SMCO2: variants seen among roughly 807,000 people sequenced by gnomAD.
The protein encoded by SMCO2 is single-pass membrane and coiled-coil domain-containing protein 2.
A neutral mutation model predicts 29.5 loss-of-function variants in SMCO2; 25 were observed. That is an observed-to-expected ratio of 0.85 (90% CI 0.62 to 1.18). The LOEUF (loss-of-function observed/expected upper bound fraction) is 1.18, where lower values mean the gene tolerates loss of function less well. Ranked by LOEUF, SMCO2 falls within the 50% of genes most tolerant of loss-of-function variation. The pLI, the probability that SMCO2 is intolerant of heterozygous loss-of-function variation, is 0.00. For synonymous variants in SMCO2, 117 were observed against 123.3 expected (o/e 0.95, Z 0.34); for missense variants, 348 against 344.5 (o/e 1.01, Z -0.08).
At chr12:27,448,115 G>A in the SMCO2 span, among the ~76,000 whole-genome samples, 1 of 152,198 alleles carries the variant, frequency 6.6e-6, no homozygotes, top group Non-Finnish European at 1.5e-5. Context: ...AACAAGTAGA[G>A]AAAGTATTAG....
the SMCO2 span, among the ~76,000 whole-genome samples, chr12:27,436,533 A>C: frequency 1.3e-5 from 2 of 152,160 alleles, no homozygotes; most frequent in African/African-American, 4.8e-5. Context: ...TAGAAAAGAA[A>C]AGAGGAAGAA....
chr12:27,435,034 G>A, the SMCO2 span, among the ~76,000 whole-genome samples: 1 of 152,046 alleles, frequency 6.6e-6, no homozygotes. Flanking sequence ...TGAGAAGCTG[G>A]GGTTCCCTAG....
chr12:27,429,321 C>T, the SMCO2 span, among the ~76,000 whole-genome samples: 1 of 151,958 alleles, frequency 6.6e-6, no homozygotes, highest in Admixed American at 6.6e-5. Flanking sequence ...CCATAGTCAA[C>T]ACTTGAGTAG....
the SMCO2 span, among the ~76,000 whole-genome samples, chr12:27,459,436 A>G: frequency 6.6e-6 from 1 of 152,138 alleles, no homozygotes; most frequent in African/African-American, 2.4e-5. Flanking sequence ...ACATATGGGT[A>G]CAAACAGGGG....
At chr12:27,469,889 C>T (rs1949527437) in intron 1 of SMCO2, among the ~76,000 whole-genome samples, 1 of 152,216 alleles carries the variant, frequency 6.6e-6, no homozygotes, top group Non-Finnish European at 1.5e-5. Context: ...GGTTCCTGTT[C>T]TTACACACAG....
At chr12:27,464,503 G>C (rs1001738412), upstream of SMCO2, among the ~76,000 whole-genome samples, 1 of 151,972 alleles carries the variant, frequency 6.6e-6, no homozygotes, top group African/African-American at 2.4e-5. Context: ...GAGCCTAGGA[G>C]TTCGAGACCA....
At chr12:27,461,298 G>C in the SMCO2 span, among the ~76,000 whole-genome samples, 1 of 152,084 alleles carries the variant, frequency 6.6e-6, no homozygotes, top group Admixed American at 6.6e-5. Context: ...GTGCAGGTTT[G>C]TTACGCAGGT....
At chr12:27,436,629 T>C in the SMCO2 span, among the ~76,000 whole-genome samples, 1 of 152,158 alleles carries the variant, frequency 6.6e-6, no homozygotes, top group East Asian at 1.9e-4. Context: ...AGGTTGACTC[T>C]GTATGAATTT....
intron 4 of SMCO2, among the ~76,000 whole-genome samples, chr12:27,475,183 T>A (rs1949574469): frequency 6.6e-6 from 1 of 152,196 alleles, no homozygotes; most frequent in Non-Finnish European, 1.5e-5. Flanking sequence ...CCTTCTCAGA[T>A]AATTTTCTAG....
rs1040637549 is a variant in SMCO2, at chr12:27,501,552, G to C, written c.684-371G>C. Among the ~76,000 whole-genome samples, 3 of 149,948 alleles carry C rather than the reference G, an allele frequency of 2.0e-5. 1 individual carries two copies. The highest frequency in any genetic ancestry group is 5.0e-5 in the African/African-American group (2 of 39,902). ...AATTCCCTTTATCACGTTATACTTT[G>C]TGTCCTGGGGAAAATCTAACTGCCT... is the stretch of plus-strand genomic sequence containing the variant. On this transcript the variant is annotated intron_variant, in intron 7 of 7. Coordinates refer to ENST00000298876, the Ensembl canonical transcript of SMCO2.
chr12:27,472,168 T>C (rs1451501297), intron 2 of SMCO2, among the ~76,000 whole-genome samples: 2 of 152,164 alleles, frequency 1.3e-5, no homozygotes, highest in Non-Finnish European at 2.9e-5. Flanking sequence ...GGTTATTAAA[T>C]AAGAAATTCA....
chr12:27,449,373 T>C, the SMCO2 span, among the ~76,000 whole-genome samples: 1 of 152,248 alleles, frequency 6.6e-6, no homozygotes, highest in Non-Finnish European at 1.5e-5. Context: ...TGCTGCATAC[T>C]TCTGAAAAAA....
intron 4 of SMCO2, among the ~76,000 whole-genome samples, chr12:27,481,245 C>G (rs1359935526): frequency 6.6e-6 from 1 of 152,172 alleles, no homozygotes; most frequent in Non-Finnish European, 1.5e-5. Flanking sequence ...TGTGTAAGAC[C>G]CCTGACAAAC....
At chr12:27,427,638 A>G in the SMCO2 span, among the ~76,000 whole-genome samples, 2 of 152,180 alleles carry the variant, frequency 1.3e-5, no homozygotes. Context: ...CAACAGCCAG[A>G]CAGCCTGGAG....
the SMCO2 span, among the ~76,000 whole-genome samples, chr12:27,453,217 G>T: frequency 1.3e-5 from 2 of 152,160 alleles, no homozygotes; most frequent in South Asian, 2.1e-4. Flanking sequence ...GACATGTTCC[G>T]TGTCAGCCCT....
chr12:27,479,923 T>C (rs923325689), intron 4 of SMCO2, among the ~76,000 whole-genome samples: 2 of 152,082 alleles, frequency 1.3e-5, no homozygotes, highest in Non-Finnish European at 2.9e-5. Flanking sequence ...CTAATACACA[T>C]GGTGAAGTCC....
chr12:27,461,168 A>T, the SMCO2 span, among the ~76,000 whole-genome samples: 2 of 152,164 alleles, frequency 1.3e-5, no homozygotes, highest in South Asian at 4.1e-4. Flanking sequence ...AATACCTAAG[A>T]CAATGTAAAT....
chr12:27,501,373 G>A (rs1362454284), intron 7 of SMCO2, among the ~76,000 whole-genome samples: 4 of 131,534 alleles, frequency 3.0e-5, no homozygotes, highest in Non-Finnish European at 4.6e-5. Context: ...CCGGGATAGC[G>A]CCACTGCAGT....
At chr12:27,491,953 TCC>T (rs1488656521) in intron 5 of SMCO2, among the ~76,000 whole-genome samples, 1 of 152,046 alleles carries the variant, frequency 6.6e-6, no homozygotes, top group East Asian at 1.9e-4. Context: ...CAAGCGATTC[TCC>T]CACCTCAGCC....
Sources: gnomAD v4.1 joint callset for allele counts (sites outside exome capture counted in the v4.1 genomes callset) on GRCh38, gnomAD v4.1.1 for gene constraint, MANE v1.5 for transcripts, NCBI Gene and HGNC (gene_info 2026-07-23, HGNC 2026-07-21) for gene names.